GPA33: variants seen among roughly 807,000 people sequenced by gnomAD.
GPA33 encodes glycoprotein A33, also known as cell surface A33 antigen.
GPA33 carries 27 observed loss-of-function variants against 35.6 expected under a neutral mutation model. The ratio of observed to expected loss-of-function variants is 0.76; its 90% CI spans 0.56 to 1.04. The LOEUF (loss-of-function observed/expected upper bound fraction) is 1.04. Ranked by LOEUF, GPA33 falls within the 50% of genes least tolerant of loss-of-function variation. GPA33 has a pLI of 0.00. For synonymous variants in GPA33, 176 were observed against 164.0 expected, an observed-to-expected ratio of 1.07 and a Z score of -0.56; for missense variants, 428 against 411.9, an observed-to-expected ratio of 1.04 and a Z score of -0.34.
At chr1:167,081,413 C>G (rs769411592) in intron 1 of GPA33, among the ~76,000 whole-genome samples, 2 of 152,186 alleles carry the variant, frequency 1.3e-5, no homozygotes, top group African/African-American at 4.8e-5. Context: ...AGTTCACACA[C>G]GCAGGTTGGT....
chr1:167,076,115 A>C (rs1666819066), intron 1 of GPA33, among the ~76,000 whole-genome samples: 1 of 152,308 alleles, frequency 6.6e-6, no homozygotes, highest in South Asian at 2.1e-4. Context: ...CAGCTAAAGG[A>C]GGCTATAGGG....
chr1:167,080,085 C>T (rs1666895488), intron 1 of GPA33, among the ~76,000 whole-genome samples: 1 of 152,124 alleles, frequency 6.6e-6, no homozygotes, highest in Non-Finnish European at 1.5e-5. Context: ...TCTCCAGTTG[C>T]CCAGAGCCCA....
intron 4 of GPA33, among the ~76,000 whole-genome samples, chr1:167,057,700 G>A (rs1041068437): frequency 1.3e-5 from 2 of 152,212 alleles, no homozygotes; most frequent in African/African-American, 2.4e-5. Context: ...TTCTCCGGAT[G>A]TGCTGCTCAG....
intron 4 of GPA33, among the ~76,000 whole-genome samples, chr1:167,061,260 A>G (rs1666432714): frequency 6.6e-6 from 1 of 152,182 alleles, no homozygotes; most frequent in Admixed American, 6.5e-5. Flanking sequence ...TTACATCACC[A>G]CTGGGTATAA....
intron 1 of GPA33, among the ~76,000 whole-genome samples, chr1:167,076,125 G>A (rs992512877): frequency 1.3e-5 from 2 of 152,202 alleles, no homozygotes; most frequent in African/African-American, 2.4e-5. Flanking sequence ...AGGCTATAGG[G>A]TCAAGAGGAG....
intron 1 of GPA33, among the ~76,000 whole-genome samples, chr1:167,084,516 T>C (rs567204122): frequency 2.6e-5 from 4 of 152,360 alleles, no homozygotes; most frequent in African/African-American, 9.6e-5. Flanking sequence ...TGCTTCTCAA[T>C]AGACTATGGC....
chr1:167,076,634 G>C (rs1418916516), intron 1 of GPA33, among the ~76,000 whole-genome samples: 2 of 152,198 alleles, frequency 1.3e-5, no homozygotes, highest in Non-Finnish European at 1.5e-5. Flanking sequence ...GCACTGTACA[G>C]TGAGGGCCAT....
chr1:167,080,280 A>G (rs1433800317), intron 1 of GPA33, among the ~76,000 whole-genome samples: 1 of 152,216 alleles, frequency 6.6e-6, no homozygotes, highest in Non-Finnish European at 1.5e-5. Flanking sequence ...TTACTAACTA[A>G]TAATGTATCA....
At chr1:167,064,591 A>G (rs1666548041) in intron 3 of GPA33, among the ~76,000 whole-genome samples, 1 of 152,220 alleles carries the variant, frequency 6.6e-6, no homozygotes, top group Non-Finnish European at 1.5e-5. Context: ...TTCGCAGACT[A>G]CATATTGTCT....
At chr1:167,065,027 A>T (rs1386195840) in intron 3 of GPA33, among the ~76,000 whole-genome samples, 1 of 152,190 alleles carries the variant, frequency 6.6e-6, no homozygotes, top group Non-Finnish European at 1.5e-5. Context: ...GGGAAGCTTA[A>T]GCCTGTGCCT....
At chr1:167,056,745 G>GGCGA (rs1666293867) in intron 4 of GPA33, among the ~76,000 whole-genome samples, 21 of 5,426 alleles carry the variant, frequency 3.9e-3, no homozygotes, top group South Asian at 0.014. Context: ...TGGTGTGTGT[G>GGCGA]GTGTGTGTAT....
chr1:167,056,848 ATG>A (rs1400642900), intron 4 of GPA33, among the ~76,000 whole-genome samples: 3 of 4,380 alleles, frequency 6.8e-4, no homozygotes, highest in Non-Finnish European at 1.0e-3. Flanking sequence ...TGAGTGTGTA[ATG>A]TGTGTGGTGT....
intron 4 of GPA33, 30 bp from the exon 5 acceptor site, chr1:167,055,879 G>A: frequency 6.2e-7 from 1 of 1,613,194 alleles, no homozygotes; most frequent in Non-Finnish European, 8.5e-7. Context: ...AGGGTGAAGA[G>A]AGGCACTACA....
rs899813063 is a variant in GPA33, at chr1:167,055,322, G to A, written c.692-211C>T. Among the ~76,000 whole-genome samples, 10 of 152,234 alleles carry A rather than the reference G, an allele frequency of 6.6e-5. No homozygotes were observed. The East Asian group carries it at 9.7e-4, about 15-fold the overall frequency. On this transcript the variant is annotated intron_variant, in intron 5 of 6. Coordinates refer to ENST00000367868, the MANE Select transcript of GPA33 (RefSeq NM_005814.3). The stretch of plus-strand genomic sequence containing the variant: ...TCCACTTCACATCTTAACACTTTCC[G>A]GGCTACCCTGGCTCTGCAAAAGTCC...
chr1:167,084,247 G>A (rs1378981453), intron 1 of GPA33, among the ~76,000 whole-genome samples: 1 of 152,206 alleles, frequency 6.6e-6, no homozygotes, highest in Admixed American at 6.5e-5. Flanking sequence ...AGGCTCAGGA[G>A]ACAAGTGAGG....
At chr1:167,067,548 G>T (rs1426028623) in intron 3 of GPA33, among the ~76,000 whole-genome samples, 1 of 152,148 alleles carries the variant, frequency 6.6e-6, no homozygotes, top group Non-Finnish European at 1.5e-5. Flanking sequence ...GGGGGAGTGT[G>T]CATTAATACT....
chr1:167,053,986 G>C lies in GPA33; in HGVS notation c.*348C>G. 1 of 285,174 alleles carries C rather than the reference G, an allele frequency of 3.5e-6. No individual in the cohort carries two copies. The allele number at this position is 285,174 out of a possible 1,614,324, so 17.7% of individuals were successfully genotyped here. ...CCCCAAGGCTGGCATCGCCTCCCTG[G>C]AGAGTTCTGAGTGGGAGCGCCCCAT... On this transcript the variant is annotated 3_prime_UTR_variant, in exon 7 of 7. Coordinates refer to ENST00000367868, the MANE Select transcript of GPA33 (RefSeq NM_005814.3).
Position 167,054,454 on chromosome 1 carries a change from G to C in GPA33, c.840C>G (p.Ala280=). 1 of 1,614,088 alleles carries C rather than the reference G, an allele frequency of 6.2e-7. No homozygotes were observed. The highest frequency in any genetic ancestry group is 8.5e-7 in the Non-Finnish European group (1 of 1,180,006). ...DKEDARPNRE[A]YEEPPEQLRE... The stretch of plus-strand genomic sequence containing the variant: ...TTAGCTGCTCTGGTGGCTCCTCATA[G>C]GCTTCCCGGTTCCTGCAGGGCAGCA... The change falls in exon 7 of 7, where the codon GCC becomes GCG. Residue 280 remains alanine (A), a synonymous_variant. Coordinates refer to ENST00000367868, the MANE Select transcript of GPA33 (RefSeq NM_005814.3).
At chr1:167,080,718 C>G (rs1168260373) in intron 1 of GPA33, among the ~76,000 whole-genome samples, 2 of 152,188 alleles carry the variant, frequency 1.3e-5, no homozygotes, top group Non-Finnish European at 1.5e-5. Flanking sequence ...TATCCTTTAC[C>G]CTGGGACATA....
Sources: gnomAD v4.1 joint callset for allele counts (sites outside exome capture counted in the v4.1 genomes callset) on GRCh38, gnomAD v4.1.1 for gene constraint, MANE v1.5 for transcripts, NCBI Gene and HGNC (gene_info 2026-07-23, HGNC 2026-07-21) for gene names.